Variants in POLR2I observed in about 807,000 individuals in gnomAD.
The protein encoded by POLR2I is RNA polymerase II subunit I.
A neutral mutation model predicts 23.0 loss-of-function variants in POLR2I; 15 were observed. The observed-to-expected ratio is 0.65, with a 90% confidence interval of 0.44 to 1.00. POLR2I has a LOEUF of 1.00. Ranked by LOEUF, POLR2I falls within the 50% of genes least tolerant of loss-of-function variation. The pLI is 0.00. For synonymous variants in POLR2I, 72 were observed against 65.4 expected, an observed-to-expected ratio of 1.10 and a Z score of -0.49; for missense variants, 120 against 173.7, an observed-to-expected ratio of 0.69 and a Z score of 1.74.
Position 36,114,172 on chromosome 19 carries a change from C to T in POLR2I, c.263+5G>A, listed in dbSNP as rs201433073. 1.2e-6 allele frequency: 2 copies of T among 1,614,034 alleles called. No individual in the cohort carries two copies. On this transcript the variant is annotated splice_donor_5th_base_variant and intron_variant, in intron 4 of 5. Transcript: ENST00000221859. This position sits in a 1 kb window ranked among gnomAD's most constrained non-coding sequence, Gnocchi z 4.5. ...TTACCTCCCCAGTACCAGCTGAACG[C>T]TCACTTTTGGCACGGGTGGTCCTCG...
Position 36,114,100 on chromosome 19 carries a change from C to T in POLR2I, c.264-34G>A. 6.2e-7 allele frequency: 1 copy of T among 1,613,786 alleles called. No individual in the cohort carries two copies. Among genetic ancestry groups the T allele is most frequent in the Non-Finnish European group, 8.5e-7 (1 of 1,179,762 alleles). ...GTAGGGGCTCGGTCACCGGAGGCTT[C>T]ACACCCTTCCCTCCTCCCTTCGCCC... On this transcript the variant is annotated intron_variant, in intron 4 of 5. Transcript: ENST00000221859. The surrounding 1 kb of genome is among the most constrained non-coding windows in gnomAD (Gnocchi z 4.5).
chr19:36,113,980 G>A (rs1169168093), intron 5 of POLR2I, 35 bp downstream of exon 5: 1 of 1,609,418 alleles, frequency 6.2e-7, no homozygotes, highest in Non-Finnish European at 8.5e-7. Flanking sequence ...GACCAAACAA[G>A]CCCCAGATAC....
chr19:36,114,448 G>A lies in POLR2I; in HGVS notation c.115-36C>T, dbSNP rs755950581. 6 of 1,594,234 alleles carry A rather than the reference G, an allele frequency of 3.8e-6. No individual in the cohort carries two copies. The South Asian group carries it at 4.4e-5, about 12-fold the overall frequency. ...GCGAGTGTGGGGGAAAGGGGGTCAC[G>A]GAAGGATTCCAGACAAGATTGGGAG... On this transcript the variant is annotated intron_variant, in intron 2 of 5. Transcript: ENST00000221859. The surrounding 1 kb of genome is among the most constrained non-coding windows in gnomAD (Gnocchi z 4.5).
At chr19:36,113,876 A>G in intron 5 of POLR2I, 59 bp from the exon 6 acceptor site, 4 of 1,598,762 alleles carry the variant, frequency 2.5e-6, no homozygotes, top group Non-Finnish European at 3.4e-6. Flanking sequence ...TTACCCCAAA[A>G]GAACAGGCAA....
chr19:36,114,469 G>A lies in POLR2I; in HGVS notation c.115-57C>T. 6.6e-7 allele frequency: 1 copy of A among 1,512,968 alleles called. No homozygotes were observed. The highest frequency in any genetic ancestry group is 9.2e-7 in the Non-Finnish European group (1 of 1,089,146). 93.7% of individuals were successfully genotyped at this position (1,512,968 alleles called of 1,614,324 possible). On this transcript the variant is annotated intron_variant, in intron 2 of 5. Coordinates refer to ENST00000221859, the MANE Select transcript of POLR2I (RefSeq NM_006233.5). This position sits in a 1 kb window ranked among gnomAD's most constrained non-coding sequence, Gnocchi z 4.5. ...TCACGGAAGGATTCCAGACAAGATT[G>A]GGAGGAGAGGGCAGGGTGATCCCGG...
Position 36,114,830 on chromosome 19 carries a change from C to G in POLR2I, c.27G>C (p.Pro9=), listed in dbSNP as rs748192004. The G allele has an allele frequency of 1.9e-6, 3 of 1,614,092 alleles. No homozygotes were observed. Among genetic ancestry groups the G allele is most frequent in the Non-Finnish European group, 2.5e-6 (3 of 1,180,014 alleles). Residue 9 remains proline, a synonymous_variant, in exon 1 of 6, where the codon CCG becomes CCC. Coordinates refer to ENST00000221859, the MANE Select transcript of POLR2I (RefSeq NM_006233.5). This position sits in a 1 kb window ranked among gnomAD's most constrained non-coding sequence, Gnocchi z 4.5. MEPDGTYE[P]GFVGIRFCQE... ...GGCAGAAGCGAATACCCACGAAGCCCGGCTCGTAAGTCCCGTCGGGCTCCA... is the reference window on the plus strand; with the variant it reads ...GGCAGAAGCGAATACCCACGAAGCCGGGCTCGTAAGTCCCGTCGGGCTCCA...
In POLR2I at chr19:36,114,867, A is replaced by C; in HGVS notation, c.-11T>G. The C allele has an allele frequency of 6.2e-7, 1 of 1,612,452 alleles. No individual in the cohort carries two copies. The highest frequency in any genetic ancestry group is 8.5e-7 in the Non-Finnish European group (1 of 1,179,580). The stretch of plus-strand genomic sequence containing the variant: ...CCCGTCGGGCTCCATGGCGACGCGC[A>C]GCCCGCGCAGCCCTCCCAGCCTTCC... On this transcript the variant is annotated 5_prime_UTR_variant, in exon 1 of 6. Transcript: ENST00000221859. This position sits in a 1 kb window ranked among gnomAD's most constrained non-coding sequence, Gnocchi z 4.5.
rs2145902869 is a variant in POLR2I at position 36,113,870 on chromosome 19, C to G, written c.316-53G>C. 1.2e-6 allele frequency: 2 copies of G among 1,602,134 alleles called. 1 individual carries two copies. Among genetic ancestry groups the G allele is most frequent in the Middle Eastern group, 4.0e-4 (2 of 4,968 alleles). On this transcript the variant is annotated intron_variant, in intron 5 of 5. Coordinates refer to ENST00000221859, the MANE Select transcript of POLR2I (RefSeq NM_006233.5). ...GGATTTGGACCCAGCAGCGCCTTAC[C>G]CCAAAAGAACAGGCAAGAGAACTTC...
chr19:36,114,625 AGGTGGACCT>A lies in POLR2I; in HGVS notation c.114+25_114+33del. On this transcript the variant is annotated intron_variant, in intron 2 of 5. Coordinates refer to ENST00000221859, the MANE Select transcript of POLR2I (RefSeq NM_006233.5). The surrounding 1 kb of genome is among the most constrained non-coding windows in gnomAD (Gnocchi z 4.5). ...GGCAGGGCGGGGCCACGCTGGGAACAGGTGGACCTGCCGGGGAAGACCCCGGCGCTCACC... is the reference window on the plus strand; with the variant it reads ...GGCAGGGCGGGGCCACGCTGGGAACAGCCGGGGAAGACCCCGGCGCTCACC... 1 of 1,589,272 alleles carries A rather than the reference AGGTGGACCT, an allele frequency of 6.3e-7. No homozygotes were observed. Among genetic ancestry groups the A allele is most frequent in the African/African-American group, 1.3e-5 (1 of 74,662 alleles).
chr19:36,114,550 A>G lies in POLR2I; in HGVS notation c.114+109T>C. 1 of 1,313,990 alleles carries G rather than the reference A, an allele frequency of 7.6e-7. No homozygotes were observed. Among genetic ancestry groups the G allele is most frequent in the Non-Finnish European group, 1.1e-6 (1 of 918,832 alleles). 81.4% of individuals were successfully genotyped at this position (1,313,990 alleles called of 1,614,324 possible). A position where few individuals can be genotyped will look rare whatever the true frequency, so the allele number is the denominator to read the frequency against. ...TGGGCAGGACATGAGAGTCAGGATC[A>G]CTTGAGGTGCAGCGGAGGGCGAACA... On this transcript the variant is annotated intron_variant, in intron 2 of 5. Transcript: ENST00000221859. This position sits in a 1 kb window ranked among gnomAD's most constrained non-coding sequence, Gnocchi z 4.5.
At chr19:36,113,846 G>A in intron 5 of POLR2I, 29 bp from the exon 6 acceptor site, 3 of 1,611,166 alleles carry the variant, frequency 1.9e-6, no homozygotes, top group Non-Finnish European at 2.5e-6. Context: ...GGTTAGGAAG[G>A]ATTTGGACCC....
Position 36,113,777 on chromosome 19 carries a change from C to T in POLR2I, c.356G>A (p.Cys119Tyr). Residue 119 changes from cysteine to tyrosine, a missense_variant, in exon 6 of 6, where the codon TGC (cysteine) becomes TAC (tyrosine). Coordinates refer to ENST00000221859, the MANE Select transcript of POLR2I (RefSeq NM_006233.5). ...AGGTCACTCGGTCCAGCGGTGGCCG[C>T]AGTGTGGGGCTGTGCACACGTAGTA... ...RLYYVCTAPHCGHRWTE is the reference protein window; with the variant it reads ...RLYYVCTAPHYGHRWTE 1 of 1,613,514 alleles carries T rather than the reference C, an allele frequency of 6.2e-7. No homozygotes were observed. The highest frequency in any genetic ancestry group is 8.5e-7 in the Non-Finnish European group (1 of 1,179,946).
chr19:36,114,757 C>T lies in POLR2I; in HGVS notation c.59+41G>A, dbSNP rs766238358. 3 of 1,613,784 alleles carry T rather than the reference C, an allele frequency of 1.9e-6. No individual in the cohort carries two copies. Among genetic ancestry groups the T allele is most frequent in the Non-Finnish European group, 1.7e-6 (2 of 1,179,784 alleles). ...GCCAGGGGTTAGTTCTGGAGCCATT[C>T]CTCGCCCGCCTTCTAACATCACCCG... On this transcript the variant is annotated intron_variant, in intron 1 of 5. Coordinates refer to ENST00000221859, the MANE Select transcript of POLR2I (RefSeq NM_006233.5). This position sits in a 1 kb window ranked among gnomAD's most constrained non-coding sequence, Gnocchi z 4.5.
At position 36,114,832 on chromosome 19, in the gene POLR2I, G is replaced by T. The variant is rs1398853831; in HGVS notation, c.25C>A (p.Pro9Thr). ...CAGAAGCGAATACCCACGAAGCCCG[G>T]CTCGTAAGTCCCGTCGGGCTCCATG... MEPDGTYE[P>T]GFVGIRFCQE... The change falls in exon 1 of 6, where the codon CCG (proline) becomes ACG (threonine). Residue 9 changes from proline to threonine, a missense_variant. Transcript: ENST00000221859. This position sits in a 1 kb window ranked among gnomAD's most constrained non-coding sequence, Gnocchi z 4.5. 1 of 1,614,056 alleles carries T rather than the reference G, an allele frequency of 6.2e-7. No individual in the cohort carries two copies. Among genetic ancestry groups the T allele is most frequent in the Admixed American group, 1.7e-5 (1 of 60,032 alleles).
chr19:36,113,885 A>C, intron 5 of POLR2I, 68 bp from the exon 6 acceptor site: 1 of 1,594,406 alleles, frequency 6.3e-7, no homozygotes, highest in African/African-American at 1.3e-5. Context: ...AAGAACAGGC[A>C]AGAGAACTTC....
chr19:36,114,686 G>T lies in POLR2I; in HGVS notation c.87C>A (p.Asp29Glu). 6.2e-7 allele frequency: 1 copy of T among 1,611,150 alleles called. No homozygotes were observed. The highest frequency in any genetic ancestry group is 1.1e-5 in the South Asian group (1 of 91,012). ...CGTAGAGCAGAATGCGGTTCTCCTT[G>T]TCTTCCTTGGGGTACAGCATGTTGT... ...ECNNMLYPKE[D>E]KENRILLYAC... The change falls in exon 2 of 6, where the codon GAC (aspartate) becomes GAA (glutamate). Residue 29 changes from aspartate to glutamate, a missense_variant. Physicochemically the swap from Asp to Glu is conservative, Grantham distance 45. Transcript: ENST00000221859. The surrounding 1 kb of genome is among the most constrained non-coding windows in gnomAD (Gnocchi z 4.5).
Position 36,114,484 on chromosome 19 carries a change from G to A in POLR2I, c.115-72C>T. 1 of 1,454,808 alleles carries A rather than the reference G, an allele frequency of 6.9e-7. No individual in the cohort carries two copies. The highest frequency in any genetic ancestry group is 1.1e-5 in the South Asian group (1 of 87,810). 90.1% of individuals were successfully genotyped at this position (1,454,808 alleles called of 1,614,324 possible). On this transcript the variant is annotated intron_variant, in intron 2 of 5. Coordinates refer to ENST00000221859, the MANE Select transcript of POLR2I (RefSeq NM_006233.5). This position sits in a 1 kb window ranked among gnomAD's most constrained non-coding sequence, Gnocchi z 4.5. ...AGACAAGATTGGGAGGAGAGGGCAG[G>A]GTGATCCCGGAGGATATGACGACAG... is the stretch of plus-strand genomic sequence containing the variant.
Position 36,114,701 on chromosome 19 carries a change from C to A in POLR2I, c.72G>T (p.Leu24=). 6.2e-7 allele frequency: 1 copy of A among 1,612,714 alleles called. No homozygotes were observed. Residue 24 remains leucine (L), a synonymous_variant, in exon 2 of 6, where the codon CTG becomes CTT. Transcript: ENST00000221859. The surrounding 1 kb of genome is among the most constrained non-coding windows in gnomAD (Gnocchi z 4.5). ...IRFCQECNNM[L]YPKEDKENRI... is the part of the protein sequence containing the mutation. ...GGTTCTCCTTGTCTTCCTTGGGGTACAGCATGTTGTTACTGTGGGGAGGGG... is the reference window on the plus strand; with the variant it reads ...GGTTCTCCTTGTCTTCCTTGGGGTAAAGCATGTTGTTACTGTGGGGAGGGG...
Position 36,114,628 on chromosome 19 carries a change from TGGACCTGCCGGG to T in POLR2I, c.114+19_114+30del, listed in dbSNP as rs767442722. On this transcript the variant is annotated intron_variant, in intron 2 of 5. Transcript: ENST00000221859. This position sits in a 1 kb window ranked among gnomAD's most constrained non-coding sequence, Gnocchi z 4.5. ...AGGGCGGGGCCACGCTGGGAACAGG[TGGACCTGCCGGG>T]GAAGACCCCGGCGCTCACCGCGTAG... 6.3e-7 allele frequency: 1 copy of T among 1,592,724 alleles called. No homozygotes were observed. The highest frequency in any genetic ancestry group is 8.6e-7 in the Non-Finnish European group (1 of 1,165,440).
Sources: gnomAD v4.1 joint callset for allele counts on GRCh38, gnomAD v4.1.1 for gene constraint, Gnocchi (gnomAD v3.1) non-coding constraint, MANE v1.5 for transcripts, NCBI Gene and HGNC (gene_info 2026-07-23, HGNC 2026-07-21) for gene names.